Variants in MTUS2 observed in about 807,000 individuals in gnomAD.
The protein encoded by MTUS2 is microtubule-associated tumor suppressor candidate 2.
In MTUS2, 40 loss-of-function variants were observed where a neutral mutation model predicts 114.1. The ratio of observed to expected loss-of-function variants is 0.35; its 90% CI spans 0.27 to 0.46. The LOEUF (loss-of-function observed/expected upper bound fraction) is 0.46, where lower values mean the gene tolerates loss of function less well. MTUS2 is among the 20% of genes least tolerant of loss of function. MTUS2 has a pLI of 1.00. For synonymous variants in MTUS2, 688 were observed against 672.0 expected (o/e 1.02, Z -0.37); for missense variants, 1,679 against 1,705.4 (o/e 0.98, Z 0.27).
At chr13:29,343,084 C>T (rs1901481574) in intron 7 of MTUS2, among the ~76,000 whole-genome samples, 1 of 151,972 alleles carries the variant, frequency 6.6e-6, no homozygotes, top group African/African-American at 2.4e-5. Flanking sequence ...AGGATTTTTA[C>T]ATCTGTGTTC....
chr13:28,901,085 A>C (rs1305457727), intron 2 of MTUS2, among the ~76,000 whole-genome samples: 1 of 152,140 alleles, frequency 6.6e-6, no homozygotes, highest in Non-Finnish European at 1.5e-5. Flanking sequence ...GATAAATGGT[A>C]TCTTATTGTG....
chr13:28,954,754 A>AATGATCAGGTTAGGAGTGATCAGCCCTAC (rs1403490959), intron 2 of MTUS2, among the ~76,000 whole-genome samples: 10 of 152,010 alleles, frequency 6.6e-5, no homozygotes, highest in African/African-American at 2.4e-4. Context: ...GAGAGAGGGG[A>AATGATCAGGTTAGGAGTGATCAGCCCTAC]ATGATCAGGT....
At chr13:29,388,044 C>T (rs1002283797) in intron 8 of MTUS2, among the ~76,000 whole-genome samples, 3 of 152,262 alleles carry the variant, frequency 2.0e-5, no homozygotes, top group Non-Finnish European at 4.4e-5. Flanking sequence ...TACCGCACAC[C>T]TATGGCTCTG....
Position 29,392,491 on chromosome 13 carries a change from T to C in MTUS2, c.3117+33018T>C, listed in dbSNP as rs533266022. Among the ~76,000 whole-genome samples, 5 of 152,326 alleles carry C rather than the reference T, an allele frequency of 3.3e-5. No individual in the cohort carries two copies. The South Asian group carries it at 1.0e-3, about 32-fold the overall frequency. ...ACAGCTGAGGAGACATCTCCTCTCA[T>C]GCCCTGTCTGGACGGCTCTTGCCCT... is the stretch of plus-strand genomic sequence containing the variant. On this transcript the variant is annotated intron_variant, in intron 8 of 15. Coordinates refer to ENST00000612955, the MANE Select transcript of MTUS2 (RefSeq NM_001033602.4).
At chr13:29,301,200 A>G (rs1899191034) in intron 6 of MTUS2, among the ~76,000 whole-genome samples, 1 of 152,112 alleles carries the variant, frequency 6.6e-6, no homozygotes, top group Non-Finnish European at 1.5e-5. Context: ...TCATCTTTCA[A>G]ATGCCAGCCT....
intron 9 of MTUS2, among the ~76,000 whole-genome samples, chr13:29,443,257 C>T (rs752487215): frequency 1.3e-5 from 2 of 152,230 alleles, no homozygotes; most frequent in South Asian, 4.1e-4. Context: ...AATTTCCACT[C>T]CAGGGTGAAT....
At chr13:29,179,649 A>G (rs1893917512) in intron 5 of MTUS2, among the ~76,000 whole-genome samples, 1 of 152,222 alleles carries the variant, frequency 6.6e-6, no homozygotes, top group African/African-American at 2.4e-5. Context: ...CAAATTAAAA[A>G]CAAACTTTGA....
intron 2 of MTUS2, among the ~76,000 whole-genome samples, chr13:28,923,126 G>T: frequency 6.6e-6 from 1 of 151,734 alleles, no homozygotes; most frequent in South Asian, 2.1e-4. Flanking sequence ...CTTCCTTATC[G>T]ATCCCCGAAT....
chr13:29,040,626 T>TATTTTTTG (rs1478431627), intron 4 of MTUS2, among the ~76,000 whole-genome samples: 2 of 152,218 alleles, frequency 1.3e-5, no homozygotes, highest in African/African-American at 2.4e-5. Context: ...CAACATCTAT[T>TATTTTTTG]ATTTTTTGAT....
At chr13:29,428,969 C>T in intron 8 of MTUS2, 1 of 1,472,262 alleles carries the variant, frequency 6.8e-7, no homozygotes, top group Non-Finnish European at 9.5e-7. Context: ...GAGCCAGCCA[C>T]CTCGGTGCCT....
chr13:28,912,414 C>G (rs1880494803), intron 2 of MTUS2, among the ~76,000 whole-genome samples: 1 of 152,108 alleles, frequency 6.6e-6, no homozygotes, highest in Non-Finnish European at 1.5e-5. Context: ...GTCACTGTAG[C>G]CTTGTAGTAT....
Position 29,389,331 on chromosome 13 carries a change from A to ATGTATG in MTUS2, c.3117+29859_3117+29860insGTATGT, listed in dbSNP as rs1566172363. Reference sequence around the variant, plus strand: ...TATATATGTATACACATATGTGTGTATATATGTATGCACGTGTGTGTATAT... The same window carrying ATGTATG: ...TATATATGTATACACATATGTGTGTATGTATGTATATGTATGCACGTGTGTGTATAT... On this transcript the variant is annotated intron_variant, in intron 8 of 15. Transcript: ENST00000612955. Among the ~76,000 whole-genome samples, 37 of 69,294 alleles carry ATGTATG rather than the reference A, an allele frequency of 5.3e-4. 6 individuals carry two copies. Among genetic ancestry groups the ATGTATG allele is most frequent in the East Asian group, 1.8e-3 (4 of 2,178 alleles). 45.5% of individuals were successfully genotyped at this position (69,294 alleles called of 152,430 possible). A position where few individuals can be genotyped will look rare whatever the true frequency, so the allele number is the denominator to read the frequency against.
At chr13:29,218,033 C>T (rs934766032) in intron 5 of MTUS2, among the ~76,000 whole-genome samples, 3 of 151,988 alleles carry the variant, frequency 2.0e-5, no homozygotes. Flanking sequence ...AGGAGTATTC[C>T]TTGAGTCCAG....
chr13:29,113,976 T>C (rs989380329), intron 5 of MTUS2, among the ~76,000 whole-genome samples: 1 of 151,968 alleles, frequency 6.6e-6, no homozygotes, highest in Non-Finnish European at 1.5e-5. Context: ...TCCCCCGAGG[T>C]CTGGTCATTT....
rs144427094 is a variant in MTUS2, at chr13:28,855,219, G to T, written c.-243+15369G>T. Among the ~76,000 whole-genome samples the T allele has an allele frequency of 1.4e-4, 21 of 151,818 alleles. 1 individual carries two copies. In the East Asian group the frequency reaches 4.1e-3, roughly 29 times the overall value. On this transcript the variant is annotated intron_variant, in intron 2 of 15. Coordinates refer to ENST00000612955, the MANE Select transcript of MTUS2 (RefSeq NM_001033602.4). ...TTTTATTTTAATAGATTATTCTTTAGTAGCATAATTCTATCATCTCACAGG... is the reference window on the plus strand; with the variant it reads ...TTTTATTTTAATAGATTATTCTTTATTAGCATAATTCTATCATCTCACAGG...
intron 10 of MTUS2, among the ~76,000 whole-genome samples, chr13:29,486,301 A>G (rs889603985): frequency 2.0e-5 from 3 of 152,220 alleles, no homozygotes; most frequent in Admixed American, 2.0e-4. Flanking sequence ...GTTTTAGTGG[A>G]TGAAGTTCTC....
chr13:29,206,543 CT>C (rs2139262552), intron 5 of MTUS2, among the ~76,000 whole-genome samples: 1 of 152,240 alleles, frequency 6.6e-6, no homozygotes, highest in Non-Finnish European at 1.5e-5. Context: ...GGTTTCAGAT[CT>C]TAGATTTAAG....
In MTUS2 at chr13:29,369,128, G is replaced by T. The variant is rs376763539; in HGVS notation, c.3117+9655G>T. 6.6e-4 allele frequency among the ~76,000 whole-genome samples: 100 copies of T among 152,276 alleles called. 2 individuals are homozygous for T. Among genetic ancestry groups the T allele is most frequent in the African/African-American group, 2.2e-3 (91 of 41,528 alleles). ...GGTACCAGGCAGCGGGAAAAAAAAG[G>T]TTACAGAATGAGGAAGTACCCTAGA... On this transcript the variant is annotated intron_variant, in intron 8 of 15. Coordinates refer to ENST00000612955, the MANE Select transcript of MTUS2 (RefSeq NM_001033602.4).
chr13:29,169,246 A>G (rs962899730), intron 5 of MTUS2, among the ~76,000 whole-genome samples: 1 of 152,220 alleles, frequency 6.6e-6, no homozygotes, highest in Admixed American at 6.5e-5. Context: ...TAGCTGAAGG[A>G]TGGAGCTCTC....
Sources: gnomAD v4.1 joint callset for allele counts (sites outside exome capture counted in the v4.1 genomes callset) on GRCh38, gnomAD v4.1.1 for gene constraint, MANE v1.5 for transcripts, NCBI Gene and HGNC (gene_info 2026-07-23, HGNC 2026-07-21) for gene names.